The following CYP2C19 variants were observed in gnomAD, a reference collection of about 807,000 sequenced individuals.
The protein encoded by CYP2C19 is cytochrome P450 family 2 subfamily C member 19, also known as cytochrome P450 2C19.
CYP2C19 carries 59 observed loss-of-function variants against 40.9 expected under a neutral mutation model. That is an observed-to-expected ratio of 1.44 (90% CI 1.17 to 1.79). The LOEUF is 1.79. Among genes scored for constraint, CYP2C19 ranks in the 40% most tolerant of loss-of-function variants. CYP2C19 has a pLI of 0.00. For missense variants in CYP2C19, 754 were observed against 596.9 expected (o/e 1.26, Z -2.74); for synonymous variants, 253 against 208.7 (o/e 1.21, Z -1.83).
chr10:94,825,869 T>C (rs1173494797), intron 6 of CYP2C19, among the ~76,000 whole-genome samples: 1 of 151,290 alleles, frequency 6.6e-6, no homozygotes, highest in Admixed American at 6.6e-5. Context: ...TTCAGCTTTC[T>C]ACATATGGCT....
At position 94,775,041 on chromosome 10, in the gene CYP2C19, T is replaced by A; in HGVS notation, c.169-17T>A. 6.2e-7 allele frequency: 1 copy of A among 1,613,442 alleles called. No individual in the cohort carries two copies. The highest frequency in any genetic ancestry group is 8.5e-7 in the Non-Finnish European group (1 of 1,179,618). On this transcript the variant is annotated splice_polypyrimidine_tract_variant and intron_variant, in intron 1 of 8. Transcript: ENST00000371321. Reference sequence around the variant, plus strand: ...AACAGTGACTTCATTTGCTGTTAACTGTATCTCCTTTTCTAGCTCTCAAAA... The same window carrying A: ...AACAGTGACTTCATTTGCTGTTAACAGTATCTCCTTTTCTAGCTCTCAAAA...
At chr10:94,826,288 G>A (rs918162207) in intron 6 of CYP2C19, among the ~76,000 whole-genome samples, 1 of 152,096 alleles carries the variant, frequency 6.6e-6, no homozygotes, top group Non-Finnish European at 1.5e-5. Flanking sequence ...TCCGACCCAT[G>A]AGCATGGAAT....
At chr10:94,826,514 C>G (rs1037340886) in intron 6 of CYP2C19, among the ~76,000 whole-genome samples, 2 of 152,076 alleles carry the variant, frequency 1.3e-5, no homozygotes, top group African/African-American at 4.8e-5. Context: ...ATTTTGTATC[C>G]TGAGACTTTG....
chr10:94,822,661 G>C (rs1717118527), intron 6 of CYP2C19, among the ~76,000 whole-genome samples: 2 of 152,166 alleles, frequency 1.3e-5, no homozygotes, highest in Admixed American at 6.6e-5. Flanking sequence ...GCTTTCCACA[G>C]TGACTGAACT....
chr10:94,829,507 A>G (rs1247118127), intron 6 of CYP2C19, among the ~76,000 whole-genome samples: 1 of 152,094 alleles, frequency 6.6e-6, no homozygotes, highest in Non-Finnish European at 1.5e-5. Flanking sequence ...CAGCTCCATA[A>G]GCTCCTTTAA....
chr10:94,792,560 A>T (rs996504192), intron 5 of CYP2C19, among the ~76,000 whole-genome samples: 1 of 152,124 alleles, frequency 6.6e-6, no homozygotes, highest in Non-Finnish European at 1.5e-5. Context: ...TGGTGACAAA[A>T]TTCTTCAGCA....
At chr10:94,815,291 AT>A in intron 5 of CYP2C19, among the ~76,000 whole-genome samples, 1 of 152,282 alleles carries the variant, frequency 6.6e-6, no homozygotes, top group South Asian at 2.1e-4. Context: ...AATCTAGTCT[AT>A]TTCAGTGGTG....
intron 5 of CYP2C19, among the ~76,000 whole-genome samples, chr10:94,815,368 G>T (rs1371273003): frequency 6.6e-6 from 1 of 152,140 alleles, no homozygotes; most frequent in Non-Finnish European, 1.5e-5. Context: ...TTAATTTATT[G>T]CTGGCCTAGG....
At chr10:94,849,377 G>A (rs1048564573) in intron 7 of CYP2C19, among the ~76,000 whole-genome samples, 3 of 151,268 alleles carry the variant, frequency 2.0e-5, no homozygotes, top group South Asian at 4.2e-4. Context: ...GAAGAAACAG[G>A]AAATTCAAAA....
intron 1 of CYP2C19, among the ~76,000 whole-genome samples, chr10:94,772,590 T>C (rs1017822207): frequency 3.9e-5 from 6 of 152,148 alleles, no homozygotes; most frequent in African/African-American, 1.2e-4. Context: ...GTCAACCAAC[T>C]TGTTGTCGGG....
intron 7 of CYP2C19, among the ~76,000 whole-genome samples, chr10:94,845,422 C>A (rs1385667027): frequency 6.6e-6 from 1 of 152,096 alleles, no homozygotes; most frequent in Non-Finnish European, 1.5e-5. Flanking sequence ...TATACAAAAA[C>A]AGGTGGCAGG....
At chr10:94,821,692 T>A (rs555231274) in intron 6 of CYP2C19, among the ~76,000 whole-genome samples, 1 of 152,304 alleles carries the variant, frequency 6.6e-6, no homozygotes, top group South Asian at 2.1e-4. Context: ...TTTTTTCCCC[T>A]GTGTCAGTAT....
intron 5 of CYP2C19, among the ~76,000 whole-genome samples, chr10:94,783,047 G>A (rs551288940): frequency 6.6e-5 from 10 of 152,132 alleles, no homozygotes; most frequent in African/African-American, 2.4e-4. Context: ...ACCATGGCAC[G>A]TGTGTACCTA....
chr10:94,818,029 A>T (rs1379090161), intron 5 of CYP2C19, among the ~76,000 whole-genome samples: 2 of 151,526 alleles, frequency 1.3e-5, no homozygotes, highest in Non-Finnish European at 2.9e-5. Flanking sequence ...AAAAAAAAAA[A>T]AAAAAAATCT....
chr10:94,820,178 C>CA (rs1564675706), intron 5 of CYP2C19, among the ~76,000 whole-genome samples: 2 of 151,918 alleles, frequency 1.3e-5, no homozygotes, highest in Non-Finnish European at 2.9e-5. Flanking sequence ...AAGCCCTTGA[C>CA]AAAATTCAAC....
intron 6 of CYP2C19, among the ~76,000 whole-genome samples, chr10:94,827,540 G>T (rs1849249146): frequency 6.6e-6 from 1 of 152,030 alleles, no homozygotes; most frequent in African/African-American, 2.4e-5. Context: ...GCGTCTATTT[G>T]ATTCTTCTCT....
At chr10:94,806,476 T>C (rs1848837948) in intron 5 of CYP2C19, among the ~76,000 whole-genome samples, 1 of 152,052 alleles carries the variant, frequency 6.6e-6, no homozygotes, top group African/African-American at 2.4e-5. Flanking sequence ...AACGTCTTAA[T>C]GTTTTTCTTA....
intron 5 of CYP2C19, among the ~76,000 whole-genome samples, chr10:94,818,862 C>T (rs1403167381): frequency 1.3e-5 from 2 of 152,002 alleles, no homozygotes; most frequent in Non-Finnish European, 2.9e-5. Context: ...TTCCTCTTTT[C>T]CTAATTGAAT....
intron 6 of CYP2C19, among the ~76,000 whole-genome samples, chr10:94,837,217 A>G (rs377601635): frequency 4.0e-4 from 61 of 152,222 alleles, no homozygotes; most frequent in African/African-American, 1.3e-3. Flanking sequence ...TACTCCTAAA[A>G]TTGGAGTATT....
Sources: gnomAD v4.1 joint callset for allele counts (sites outside exome capture counted in the v4.1 genomes callset) on GRCh38, gnomAD v4.1.1 for gene constraint, MANE v1.5 for transcripts, NCBI Gene and HGNC (gene_info 2026-07-23, HGNC 2026-07-21) for gene names.